The following ARMC2 variants were observed in gnomAD, a reference collection of about 807,000 sequenced individuals.
The protein encoded by ARMC2 is armadillo repeat containing 2.
In ARMC2, 67 loss-of-function variants were observed where a neutral mutation model predicts 90.3. The ratio of observed to expected loss-of-function variants is 0.74; its 90% CI spans 0.61 to 0.91. The LOEUF (loss-of-function observed/expected upper bound fraction) is 0.91. Ranked by LOEUF, ARMC2 falls within the 40% of genes least tolerant of loss-of-function variation. The pLI, the probability that ARMC2 is intolerant of heterozygous loss-of-function variation, is 0.00. For synonymous variants in ARMC2, 393 were observed against 393.0 expected (o/e 1.00, Z 0.00); for missense variants, 920 against 1,030.9 (o/e 0.89, Z 1.47).
intron 10 of ARMC2, among the ~76,000 whole-genome samples, chr6:108,913,795 T>A (rs937435314): frequency 2.6e-5 from 4 of 152,216 alleles, no homozygotes; most frequent in African/African-American, 9.6e-5. Flanking sequence ...TTTCTCCTTC[T>A]GGTTTATCCA....
At chr6:108,965,236 G>C (rs1368296039) in intron 17 of ARMC2, 96 bp downstream of exon 17, 2 of 1,101,914 alleles carry the variant, frequency 1.8e-6, no homozygotes, top group Middle Eastern at 2.7e-4. Flanking sequence ...TATGCATTTA[G>C]GTGACTATAT....
At chr6:108,975,929 A>C (rs1490353597), downstream of ARMC2, among the ~76,000 whole-genome samples, 2 of 152,054 alleles carry the variant, frequency 1.3e-5, no homozygotes, top group Admixed American at 6.6e-5. Context: ...AGACTGCAAA[A>C]ATTTTCTCGT....
chr6:108,958,008 G>A (rs12209480), intron 13 of ARMC2, among the ~76,000 whole-genome samples: 13,390 of 152,190 alleles, frequency 0.088, 678 homozygotes, highest in South Asian at 0.18. Context: ...TCTGTGAAGT[G>A]AGGTGAGGTA....
chr6:108,993,571 C>T, the ARMC2 span, among the ~76,000 whole-genome samples: 1 of 152,260 alleles, frequency 6.6e-6, no homozygotes, highest in African/African-American at 2.4e-5. Context: ...CTCTTTCTCC[C>T]ACTCTATTAT....
the ARMC2 span, among the ~76,000 whole-genome samples, chr6:109,026,559 C>T: frequency 6.6e-6 from 1 of 152,008 alleles, no homozygotes; most frequent in African/African-American, 2.4e-5. Context: ...TGCAGTGGCG[C>T]AATCTCGGCT....
downstream of ARMC2, among the ~76,000 whole-genome samples, chr6:108,977,852 T>C (rs1301305250): frequency 6.6e-6 from 1 of 152,216 alleles, no homozygotes; most frequent in Non-Finnish European, 1.5e-5. Context: ...ATATCCCCTT[T>C]ATCATTTTTT....
At chr6:108,952,455 G>A (rs147460256) in intron 12 of ARMC2, among the ~76,000 whole-genome samples, 3,703 of 151,416 alleles carry the variant, frequency 0.024, 68 homozygotes, top group Non-Finnish European at 0.034. Context: ...GTAACACAGC[G>A]CTTCTCCACA....
chr6:108,967,770 G>A (rs145127760), intron 17 of ARMC2, among the ~76,000 whole-genome samples: 38 of 152,246 alleles, frequency 2.5e-4, no homozygotes, highest in Non-Finnish European at 1.5e-4. Context: ...CTGTGGATAC[G>A]TGGCCCGTGG....
In ARMC2 at chr6:108,953,307, T is replaced by C; in HGVS notation, c.1871T>C (p.Leu624Pro). The change falls in exon 13 of 18, where the codon CTG becomes CCG. Residue 624 changes from leucine to proline, a missense_variant. Transcript: ENST00000392644. ...ATCCACCCGGGCGTGGGCCCGGTGCTGGCCGCCAACCCGGGGATAGTGGGC... is the reference window on the plus strand; with the variant it reads ...ATCCACCCGGGCGTGGGCCCGGTGCCGGCCGCCAACCCGGGGATAGTGGGC... ...IAIHPGVGPV[L>P]AANPGIVGLL... 6.2e-7 allele frequency: 1 copy of C among 1,610,092 alleles called. No individual in the cohort carries two copies. Among genetic ancestry groups the C allele is most frequent in the Non-Finnish European group, 8.5e-7 (1 of 1,179,366 alleles).
chr6:108,957,454 G>C (rs567258673), intron 13 of ARMC2, among the ~76,000 whole-genome samples: 13 of 152,308 alleles, frequency 8.5e-5, no homozygotes, highest in Admixed American at 3.3e-4. Context: ...GGCCAGTGCT[G>C]GGCTGTGACT....
chr6:108,888,474 TTAAA>T (rs1241081937), intron 5 of ARMC2, among the ~76,000 whole-genome samples: 1 of 152,176 alleles, frequency 6.6e-6, no homozygotes, highest in Non-Finnish European at 1.5e-5. Context: ...TGCAACATCT[TTAAA>T]TATGTGCAGG....
Position 108,953,476 on chromosome 6 carries a change from A to G in ARMC2, c.1915+125A>G, listed in dbSNP as rs553916862. The G allele has an allele frequency of 8.3e-5, 77 of 931,440 alleles. No individual in the cohort carries two copies. The African/African-American group carries it at 1.2e-3, about 14-fold the overall frequency. 57.7% of individuals were successfully genotyped at this position (931,440 alleles called of 1,614,324 possible). A position where few individuals can be genotyped will look rare whatever the true frequency, so the allele number is the denominator to read the frequency against. On this transcript the variant is annotated intron_variant, in intron 13 of 17. Coordinates refer to ENST00000392644, the MANE Select transcript of ARMC2 (RefSeq NM_032131.6). The stretch of plus-strand genomic sequence containing the variant: ...AAGTGGCTCCCTATGAGAAAGTCTT[A>G]GCTGTATGAAGGAAATTCCCTCTTC...
chr6:108,994,684 A>T, the ARMC2 span: 3 of 1,067,336 alleles, frequency 2.8e-6, no homozygotes, highest in African/African-American at 4.9e-5. Flanking sequence ...AGTCTGTCTC[A>T]TAAGAATTTA....
At chr6:109,046,437 C>A in the ARMC2 span, among the ~76,000 whole-genome samples, 1 of 150,262 alleles carries the variant, frequency 6.7e-6, no homozygotes, top group South Asian at 2.1e-4. Context: ...TCACTACAAC[C>A]TACACCTCCC....
In ARMC2 at chr6:108,862,342, C is replaced by CAAA. The variant is rs71551359; in HGVS notation, c.291+4085_291+4087dup. Among the ~76,000 whole-genome samples the CAAA allele has an allele frequency of 4.9e-3, 170 of 34,354 alleles. 1 individual carries two copies. The highest frequency in any genetic ancestry group is 6.8e-3 in the East Asian group (8 of 1,174). 22.5% of individuals were successfully genotyped at this position (34,354 alleles called of 152,430 possible). A position where few individuals can be genotyped will look rare whatever the true frequency, so the allele number is the denominator to read the frequency against. On this transcript the variant is annotated intron_variant, in intron 3 of 17. Transcript: ENST00000392644. Reference sequence around the variant, plus strand: ...CTGGGTAATAGAGTGAGACTCATCTCAAAAAAAAAAAAAAAACAAAAAAAA... The same window carrying CAAA: ...CTGGGTAATAGAGTGAGACTCATCTCAAAAAAAAAAAAAAAAAAACAAAAAAAA...
chr6:109,039,603 A>AG, the ARMC2 span, among the ~76,000 whole-genome samples: 30 of 152,338 alleles, frequency 2.0e-4, no homozygotes, highest in African/African-American at 6.7e-4. Context: ...TCTCAAGTGG[A>AG]GGGGTCATAG....
chr6:108,984,419 AGCTGT>A, the ARMC2 span, among the ~76,000 whole-genome samples: 14 of 152,172 alleles, frequency 9.2e-5, no homozygotes, highest in Admixed American at 1.3e-4. Flanking sequence ...GGCACACTCT[AGCTGT>A]GTCCTTTCAT....
chr6:109,016,268 A>G, the ARMC2 span, among the ~76,000 whole-genome samples: 2 of 152,214 alleles, frequency 1.3e-5, no homozygotes, highest in Non-Finnish European at 2.9e-5. Context: ...GTTTTTGTTT[A>G]TAACAGCTAT....
At chr6:108,887,705 A>G (rs60382575) in intron 5 of ARMC2, among the ~76,000 whole-genome samples, 5,020 of 152,336 alleles carry the variant, frequency 0.033, 219 homozygotes, top group East Asian at 0.2. Context: ...AACAGTGCCA[A>G]TCTGCCTGTA....
Sources: gnomAD v4.1 joint callset for allele counts (sites outside exome capture counted in the v4.1 genomes callset) on GRCh38, gnomAD v4.1.1 for gene constraint, MANE v1.5 for transcripts, NCBI Gene and HGNC (gene_info 2026-07-23, HGNC 2026-07-21) for gene names.